FRMD5: variants seen among roughly 807,000 people sequenced by gnomAD.
FRMD5 encodes the protein FERM domain containing 5, also known as FERM domain-containing protein 5.
In FRMD5, 20 loss-of-function variants were observed where a neutral mutation model predicts 69.0. The observed-to-expected ratio is 0.29, with a 90% confidence interval of 0.20 to 0.42. The LOEUF is 0.42. Among genes scored for constraint, FRMD5 ranks in the 10% least tolerant of loss-of-function variants. FRMD5 has a pLI of 1.00. For synonymous variants in FRMD5, 271 were observed against 260.1 expected, an observed-to-expected ratio of 1.04 and a Z score of -0.40; for missense variants, 595 against 708.6, an observed-to-expected ratio of 0.84 and a Z score of 1.82.
intron 1 of FRMD5, among the ~76,000 whole-genome samples, chr15:44,171,533 G>A (rs913234905): frequency 1.3e-5 from 2 of 152,040 alleles, no homozygotes; most frequent in Admixed American, 6.6e-5. Context: ...TGCCCATGTA[G>A]TATCTTTAGA....
chr15:44,171,204 C>G lies in FRMD5; in HGVS notation c.102+23749G>C, dbSNP rs535587946. ...GCATAATATCTGAATACAAAATATA[C>G]TAAGTTATCACAGAATAGTGACAAT... On this transcript the variant is annotated intron_variant, in intron 1 of 13. Transcript: ENST00000417257. 3.9e-5 allele frequency among the ~76,000 whole-genome samples: 6 copies of G among 152,246 alleles called. No homozygotes were observed. In the East Asian group the frequency reaches 1.2e-3, roughly 29 times the overall value.
At chr15:43,879,909 C>T in intron 13 of FRMD5, 1 of 355,152 alleles carries the variant, frequency 2.8e-6, no homozygotes, top group East Asian at 4.2e-5. Context: ...TCTGAGAGGC[C>T]ACCGTTATCA....
At chr15:44,066,186 T>C (rs905603675) in intron 1 of FRMD5, among the ~76,000 whole-genome samples, 20 of 152,194 alleles carry the variant, frequency 1.3e-4, no homozygotes, top group Non-Finnish European at 2.9e-5. Context: ...CAGGTTCTTG[T>C]TTTCAATTTA....
chr15:43,891,914 C>T lies in FRMD5; in HGVS notation c.728+67G>A, dbSNP rs767948804. ...ACTGCCCAATCACAGACAAAGGACA[C>T]GGGAACCGTCGCCCCTCCCCAGTTG... is the stretch of plus-strand genomic sequence containing the variant. On this transcript the variant is annotated intron_variant, in intron 8 of 13. Coordinates refer to ENST00000417257, the MANE Select transcript of FRMD5 (RefSeq NM_032892.5). 2.9e-5 allele frequency: 39 copies of T among 1,323,280 alleles called. 1 individual carries two copies. The highest frequency in any genetic ancestry group is 2.6e-4 in the Admixed American group (15 of 58,762). 82.0% of individuals were successfully genotyped at this position (1,323,280 alleles called of 1,614,324 possible).
rs557194719 is a variant in FRMD5, at chr15:43,906,271, C to T, written c.428-320G>A. On this transcript the variant is annotated intron_variant, in intron 5 of 13. Transcript: ENST00000417257. Reference sequence around the variant, plus strand: ...CCTGCACTATGGTCCTCATCCATTCCGCCATGAGAAGATGGTCTGGGAGCA... The same window carrying T: ...CCTGCACTATGGTCCTCATCCATTCTGCCATGAGAAGATGGTCTGGGAGCA... 5.1e-4 allele frequency among the ~76,000 whole-genome samples: 77 copies of T among 152,258 alleles called. 1 individual carries two copies. The highest frequency in any genetic ancestry group is 7.9e-4 in the Non-Finnish European group (54 of 68,014).
chr15:44,185,522 T>C (rs2078084333), intron 1 of FRMD5, among the ~76,000 whole-genome samples: 1 of 152,136 alleles, frequency 6.6e-6, no homozygotes, highest in African/African-American at 2.4e-5. Flanking sequence ...CCAGGCATGG[T>C]GGCTCACACT....
intron 1 of FRMD5, among the ~76,000 whole-genome samples, chr15:44,103,292 A>G (rs1168818301): frequency 6.6e-6 from 1 of 152,204 alleles, no homozygotes; most frequent in East Asian, 1.9e-4. Context: ...AGAAGGAAGA[A>G]GGAATTAAAT....
At chr15:43,936,966 T>A (rs540240795) in intron 1 of FRMD5, among the ~76,000 whole-genome samples, 2 of 152,256 alleles carry the variant, frequency 1.3e-5, no homozygotes, top group South Asian at 4.2e-4. Context: ...TGGAAAAAAC[T>A]AATAATTACA....
intron 1 of FRMD5, among the ~76,000 whole-genome samples, chr15:44,140,397 T>C (rs1288887083): frequency 6.6e-6 from 1 of 151,922 alleles, no homozygotes; most frequent in Non-Finnish European, 1.5e-5. Context: ...TTTGTAAAAA[T>C]ACAACTAAAC....
At chr15:44,182,198 A>G (rs2078015034) in intron 1 of FRMD5, among the ~76,000 whole-genome samples, 1 of 151,036 alleles carries the variant, frequency 6.6e-6, no homozygotes. Flanking sequence ...TTTAGTAAAG[A>G]CAGGGTTTCA....
At chr15:44,134,480 G>C (rs1415066607) in intron 1 of FRMD5, among the ~76,000 whole-genome samples, 2 of 152,040 alleles carry the variant, frequency 1.3e-5, no homozygotes, top group African/African-American at 2.4e-5. Context: ...ACAGGGTCTC[G>C]CTCTGTCACC....
chr15:44,162,884 A>AC (rs1218266838), intron 1 of FRMD5, among the ~76,000 whole-genome samples: 2 of 141,710 alleles, frequency 1.4e-5, no homozygotes, highest in Non-Finnish European at 3.1e-5. Context: ...AAAAAAAAAA[A>AC]AAAAACAAGG....
At chr15:43,919,102 T>C (rs567752848) in intron 4 of FRMD5, 11 of 376,020 alleles carry the variant, frequency 2.9e-5, no homozygotes, top group Admixed American at 2.2e-4. Context: ...TTGAATCTAT[T>C]TGCAACCTCC....
intron 1 of FRMD5, among the ~76,000 whole-genome samples, chr15:44,102,749 C>T (rs2076657702): frequency 6.6e-6 from 1 of 152,170 alleles, no homozygotes; most frequent in Admixed American, 6.5e-5. Flanking sequence ...AATGGATGGT[C>T]AGAGTTGGAC....
intron 1 of FRMD5, among the ~76,000 whole-genome samples, chr15:44,113,055 C>T (rs1199481865): frequency 2.0e-5 from 3 of 152,184 alleles, no homozygotes; most frequent in African/African-American, 7.2e-5. Flanking sequence ...CTTTCTTTAA[C>T]TTTTGCCCTT....
At chr15:44,060,334 G>C (rs889872588) in intron 1 of FRMD5, among the ~76,000 whole-genome samples, 1 of 152,162 alleles carries the variant, frequency 6.6e-6, no homozygotes. Flanking sequence ...ACCCAGAAGC[G>C]TGAAAACCAA....
chr15:44,037,259 T>C (rs1369475799), intron 1 of FRMD5, among the ~76,000 whole-genome samples: 1 of 152,134 alleles, frequency 6.6e-6, no homozygotes, highest in East Asian at 1.9e-4. Context: ...GTTCCTGTGA[T>C]AGTTTGCTTA....
At chr15:44,020,358 G>A (rs1176754177) in intron 1 of FRMD5, among the ~76,000 whole-genome samples, 1 of 152,150 alleles carries the variant, frequency 6.6e-6, no homozygotes, top group East Asian at 1.9e-4. Context: ...ATTTACAGAT[G>A]AGAAATTGAG....
intron 1 of FRMD5, among the ~76,000 whole-genome samples, chr15:44,047,518 A>C (rs1343798365): frequency 1.3e-5 from 2 of 152,188 alleles, no homozygotes; most frequent in Non-Finnish European, 2.9e-5. Flanking sequence ...AAGATCAATA[A>C]ATTTTATAAT....
Sources: gnomAD v4.1 joint callset for allele counts (sites outside exome capture counted in the v4.1 genomes callset) on GRCh38, gnomAD v4.1.1 for gene constraint, MANE v1.5 for transcripts, NCBI Gene and HGNC (gene_info 2026-07-23, HGNC 2026-07-21) for gene names.